Variants in KHDC1 observed in about 807,000 individuals in gnomAD.
KHDC1 encodes KH homology domain-containing protein 1.
KHDC1 carries 21 observed loss-of-function variants against 24.7 expected under a neutral mutation model. That is an observed-to-expected ratio of 0.85 (90% CI 0.60 to 1.23). The LOEUF (loss-of-function observed/expected upper bound fraction) is 1.23, where lower values mean the gene tolerates loss of function less well. KHDC1 is among the 50% of genes most tolerant of loss of function. The pLI is 0.00. For missense variants in KHDC1, 274 were observed against 298.5 expected (o/e 0.92, Z 0.61); for synonymous variants, 98 against 111.7 (o/e 0.88, Z 0.77).
intron 2 of KHDC1, among the ~76,000 whole-genome samples, chr6:73,287,646 C>T (rs1562256942): frequency 6.6e-6 from 1 of 152,272 alleles, no homozygotes; most frequent in Non-Finnish European, 1.5e-5. Context: ...AAGGAACCTA[C>T]AGTCATTTAC....
chr6:73,248,664 G>A (rs1254044768), intron 2 of KHDC1, among the ~76,000 whole-genome samples: 1 of 152,198 alleles, frequency 6.6e-6, no homozygotes, highest in Non-Finnish European at 1.5e-5. Flanking sequence ...AGCATCAGGT[G>A]CAACTTAATC....
chr6:73,246,449 G>C (rs1562244776), intron 2 of KHDC1, among the ~76,000 whole-genome samples: 1 of 152,172 alleles, frequency 6.6e-6, no homozygotes, highest in Non-Finnish European at 1.5e-5. Flanking sequence ...CGCATGGACA[G>C]TTCCCTAAAA....
At chr6:73,283,073 G>T (rs1303056930) in intron 2 of KHDC1, among the ~76,000 whole-genome samples, 1 of 152,206 alleles carries the variant, frequency 6.6e-6, no homozygotes, top group African/African-American at 2.4e-5. Flanking sequence ...TGTTGACCTT[G>T]ATCATCAGGC....
exon 1 of KHDC1, chr6:73,310,145 C>A (rs1233777394): frequency 5.1e-6 from 1 of 194,428 alleles, no homozygotes. Flanking sequence ...CCAGGAAAGC[C>A]CGAGGCACTG....
chr6:73,280,514 C>A (rs933147718), intron 2 of KHDC1, among the ~76,000 whole-genome samples: 1 of 117,462 alleles, frequency 8.5e-6, no homozygotes, highest in Non-Finnish European at 1.8e-5. Flanking sequence ...TCTTTAATTT[C>A]TTTTTTTTTT....
chr6:73,242,608 C>G lies in KHDC1; in HGVS notation c.207-78G>C. ...AAGTGAGGGAGGGCCTAGGCTCTGT[C>G]CTTAACATAGGAACCCAACAACCTG... is the stretch of plus-strand genomic sequence containing the variant. On this transcript the variant is annotated intron_variant, in intron 2 of 4. Transcript: ENST00000370384. 3.8e-6 allele frequency: 6 copies of G among 1,584,544 alleles called. No individual in the cohort carries two copies. The East Asian group carries it at 1.1e-4, about 30-fold the overall frequency.
intron 2 of KHDC1, among the ~76,000 whole-genome samples, chr6:73,286,464 C>G (rs1477837075): frequency 6.6e-6 from 1 of 152,176 alleles, no homozygotes; most frequent in Non-Finnish European, 1.5e-5. Context: ...GATGGTATCA[C>G]TAACAAACCA....
chr6:73,242,491 G>A lies in KHDC1; in HGVS notation c.246C>T (p.Ser82=), dbSNP rs773552027. Residue 82 remains serine (S), a synonymous_variant, in exon 3 of 5, where the codon AGC becomes AGT. Transcript: ENST00000370384. ...GAGGCAGGGTCCACCACGGCTTCTTGCTGAGAGCACTCGTTCCCATGTCCA... is the reference window on the plus strand; with the variant it reads ...GAGGCAGGGTCCACCACGGCTTCTTACTGAGAGCACTCGTTCCCATGTCCA... The A allele has an allele frequency of 3.1e-6, 5 of 1,614,174 alleles. No individual in the cohort carries two copies. In the South Asian group the frequency reaches 4.4e-5, roughly 14 times the overall value.
intron 1 of KHDC1, among the ~76,000 whole-genome samples, chr6:73,304,970 C>T (rs929233509): frequency 1.3e-5 from 2 of 152,132 alleles, no homozygotes; most frequent in South Asian, 2.1e-4. Flanking sequence ...AGATGCAGTG[C>T]TTCACACTTG....
intron 2 of KHDC1, among the ~76,000 whole-genome samples, chr6:73,246,058 A>G (rs1766659365): frequency 1.3e-5 from 2 of 152,176 alleles, no homozygotes; most frequent in Non-Finnish European, 2.9e-5. Flanking sequence ...AAAGCTTCTA[A>G]AAGTTTTTTA....
intron 2 of KHDC1, chr6:73,291,894 C>A: frequency 3.2e-6 from 4 of 1,253,886 alleles, no homozygotes; most frequent in Non-Finnish European, 4.5e-6. Flanking sequence ...AACAAGCCTG[C>A]ACATGCACCT....
At chr6:73,307,367 A>G (rs560506760) in intron 1 of KHDC1, among the ~76,000 whole-genome samples, 1 of 150,600 alleles carries the variant, frequency 6.6e-6, no homozygotes, top group Non-Finnish European at 1.5e-5. Context: ...GGAGGTTGCA[A>G]TGAGCCGAGA....
chr6:73,242,809 G>T (rs1033711501), intron 2 of KHDC1, among the ~76,000 whole-genome samples: 1 of 152,066 alleles, frequency 6.6e-6, no homozygotes, highest in Non-Finnish European at 1.5e-5. Context: ...AAATTCAAAG[G>T]ATTTTGGAGC....
chr6:73,268,307 G>T (rs934093603), intron 2 of KHDC1: 7 of 154,014 alleles, frequency 4.5e-5, no homozygotes, highest in African/African-American at 1.2e-4. Flanking sequence ...TGGGCTCGTG[G>T]TCTCGCTGGC....
chr6:73,258,240 G>A (rs767610265), intron 2 of KHDC1, among the ~76,000 whole-genome samples: 9 of 152,204 alleles, frequency 5.9e-5, no homozygotes, highest in Non-Finnish European at 1.2e-4. Flanking sequence ...GGGCAAGAGA[G>A]CGAGACTCCG....
At chr6:73,285,586 G>A (rs570372718) in intron 2 of KHDC1, among the ~76,000 whole-genome samples, 2 of 151,840 alleles carry the variant, frequency 1.3e-5, no homozygotes, top group South Asian at 2.1e-4. Context: ...TGCCTGCCTC[G>A]GCCTCCCGAA....
At chr6:73,250,698 C>T (rs908225998) in intron 2 of KHDC1, among the ~76,000 whole-genome samples, 4 of 152,186 alleles carry the variant, frequency 2.6e-5, no homozygotes, top group Admixed American at 2.0e-4. Flanking sequence ...TGATTGCGCT[C>T]AGCAGTGTTC....
intron 2 of KHDC1, among the ~76,000 whole-genome samples, chr6:73,283,524 C>A (rs181111956): frequency 2.2e-4 from 33 of 152,146 alleles, no homozygotes; most frequent in Admixed American, 4.6e-4. Flanking sequence ...CCTTCCCAGG[C>A]CTCCCAAAGT....
At chr6:73,270,434 A>G (rs1189853369) in intron 2 of KHDC1, 1 of 152,126 alleles carries the variant, frequency 6.6e-6, no homozygotes, top group Non-Finnish European at 1.5e-5. Flanking sequence ...TTTTGCGACT[A>G]CACTCCAACC....
Sources: gnomAD v4.1 joint callset for allele counts (sites outside exome capture counted in the v4.1 genomes callset) on GRCh38, gnomAD v4.1.1 for gene constraint, MANE v1.5 for transcripts, NCBI Gene and HGNC (gene_info 2026-07-23, HGNC 2026-07-21) for gene names.